MYO5B: variants seen among roughly 807,000 people sequenced by gnomAD.
MYO5B encodes the protein myosin VB, also known as unconventional myosin-Vb.
MYO5B carries 143 observed loss-of-function variants against 229.3 expected under a neutral mutation model. The ratio of observed to expected loss-of-function variants is 0.62; its 90% CI spans 0.54 to 0.72. The LOEUF is 0.72. Ranked by LOEUF, MYO5B falls within the 30% of genes least tolerant of loss-of-function variation. The pLI is 0.00. For synonymous variants in MYO5B, 918 were observed against 885.2 expected, an observed-to-expected ratio of 1.04 and a Z score of -0.66; for missense variants, 2,321 against 2,331.0, an observed-to-expected ratio of 1.00 and a Z score of 0.09.
At chr18:50,011,861 C>G (rs1367875716) in intron 4 of MYO5B, among the ~76,000 whole-genome samples, 1 of 151,812 alleles carries the variant, frequency 6.6e-6, no homozygotes, top group East Asian at 1.9e-4. Flanking sequence ...TGCACCAGAC[C>G]CTGTAGTACG....
intron 1 of MYO5B, among the ~76,000 whole-genome samples, chr18:50,121,909 C>A (rs907240737): frequency 2.0e-5 from 3 of 152,238 alleles, no homozygotes; most frequent in African/African-American, 7.2e-5. Flanking sequence ...TCTGTAAAGT[C>A]TTTGCTTTTG....
Position 49,983,680 on chromosome 18 carries a change from T to C in MYO5B, c.946+1038A>G, listed in dbSNP as rs375167902. Among the ~76,000 whole-genome samples the C allele has an allele frequency of 1.7e-3, 265 of 152,324 alleles. 1 individual carries two copies. The highest frequency in any genetic ancestry group is 6.1e-3 in the African/African-American group (253 of 41,574). ...CACCTGCTACTGCTGTAGTTAACAA[T>C]TGTTTATATTAATTTTTCTATTTTG... On this transcript the variant is annotated intron_variant, in intron 8 of 39. Transcript: ENST00000285039.
rs113660613 is a variant in MYO5B at position 49,849,558 on chromosome 18, C to G, written c.4315+9G>C. On this transcript the variant is annotated intron_variant, in intron 32 of 39. Transcript: ENST00000285039. Reference sequence around the variant, plus strand: ...GATTCACAAAACACACTCACTCACACCCCCCTACCTTCTAGGTCCTGGGCT... The same window carrying G: ...GATTCACAAAACACACTCACTCACAGCCCCCTACCTTCTAGGTCCTGGGCT... The G allele has an allele frequency of 1.3e-6, 2 of 1,595,692 alleles. No homozygotes were observed. The highest frequency in any genetic ancestry group is 2.7e-5 in the African/African-American group (2 of 74,608).
chr18:49,897,421 C>CA (rs1467586338), intron 21 of MYO5B, among the ~76,000 whole-genome samples: 12 of 151,008 alleles, frequency 7.9e-5, no homozygotes, highest in African/African-American at 2.7e-4. Flanking sequence ...TAGTTTTTAA[C>CA]AAAAAAAAGT....
intron 27 of MYO5B, 87 bp from the exon 28 acceptor site, chr18:49,864,467 T>G: frequency 6.4e-7 from 1 of 1,562,248 alleles, no homozygotes; most frequent in Non-Finnish European, 8.7e-7. Flanking sequence ...CCTTCTTTTG[T>G]CCACTGGGAA....
At chr18:50,155,866 C>T (rs369430848) in intron 1 of MYO5B, among the ~76,000 whole-genome samples, 9 of 152,314 alleles carry the variant, frequency 5.9e-5, no homozygotes, top group African/African-American at 2.2e-4. Flanking sequence ...AAGATGACTT[C>T]AACATAAGTT....
At chr18:50,047,532 C>T (rs571294835) in intron 2 of MYO5B, among the ~76,000 whole-genome samples, 44 of 152,238 alleles carry the variant, frequency 2.9e-4, no homozygotes, top group East Asian at 7.7e-4. Context: ...GTCAGTGTGG[C>T]GATTCCTCAG....
intron 1 of MYO5B, among the ~76,000 whole-genome samples, chr18:50,131,109 G>T (rs903920166): frequency 3.9e-5 from 6 of 152,212 alleles, no homozygotes; most frequent in Non-Finnish European, 2.9e-5. Context: ...AATCAAATGA[G>T]ATGACATCTA....
chr18:49,966,689 C>T (rs1662154691), intron 10 of MYO5B, among the ~76,000 whole-genome samples: 1 of 152,216 alleles, frequency 6.6e-6, no homozygotes, highest in Non-Finnish European at 1.5e-5. Flanking sequence ...TAAAGGTTTA[C>T]ACTGGTAGCA....
chr18:50,186,747 C>A (rs1568137760), intron 1 of MYO5B, among the ~76,000 whole-genome samples: 1 of 152,160 alleles, frequency 6.6e-6, no homozygotes, highest in Non-Finnish European at 1.5e-5. Flanking sequence ...CCTCCAGTAA[C>A]CTTCCCATGG....
intron 17 of MYO5B, among the ~76,000 whole-genome samples, chr18:49,913,998 C>T (rs2024985710): frequency 6.6e-6 from 1 of 152,096 alleles, no homozygotes; most frequent in Non-Finnish European, 1.5e-5. Flanking sequence ...ATCCATCCCG[C>T]TAAGAGCCAC....
chr18:50,154,253 T>C (rs1174689126), intron 1 of MYO5B, among the ~76,000 whole-genome samples: 1 of 152,220 alleles, frequency 6.6e-6, no homozygotes, highest in African/African-American at 2.4e-5. Flanking sequence ...TTCTATATTG[T>C]TTGATTTTTG....
chr18:50,047,065 C>T (rs1270065676), intron 2 of MYO5B, among the ~76,000 whole-genome samples: 1 of 152,124 alleles, frequency 6.6e-6, no homozygotes, highest in African/African-American at 2.4e-5. Flanking sequence ...AAAGCAATGG[C>T]AACAAAAGCC....
At chr18:50,179,751 G>C (rs958045509) in intron 1 of MYO5B, among the ~76,000 whole-genome samples, 5 of 152,136 alleles carry the variant, frequency 3.3e-5, no homozygotes, top group Non-Finnish European at 7.4e-5. Flanking sequence ...TACTGTGCTG[G>C]CCTATTAGGC....
At chr18:49,849,239 A>G (rs1280290219) in intron 32 of MYO5B, among the ~76,000 whole-genome samples, 1 of 152,182 alleles carries the variant, frequency 6.6e-6, no homozygotes, top group Non-Finnish European at 1.5e-5. Flanking sequence ...GCATTCTTTC[A>G]CATCAATCTT....
At chr18:50,047,064 G>A (rs546812821) in intron 2 of MYO5B, among the ~76,000 whole-genome samples, 2,479 of 152,202 alleles carry the variant, frequency 0.016, 55 homozygotes, top group African/African-American at 0.052. Context: ...AAAAGCAATG[G>A]CAACAAAAGC....
At chr18:49,888,739 G>C (rs924498874) in intron 22 of MYO5B, among the ~76,000 whole-genome samples, 2 of 152,162 alleles carry the variant, frequency 1.3e-5, no homozygotes, top group African/African-American at 4.8e-5. Flanking sequence ...TCCAGGATCT[G>C]CCTGAATGTT....
intron 1 of MYO5B, among the ~76,000 whole-genome samples, chr18:50,091,965 C>T (rs1162408833): frequency 6.6e-6 from 1 of 152,188 alleles, no homozygotes; most frequent in African/African-American, 2.4e-5. Flanking sequence ...TTAGTCAGGG[C>T]AGCCCCATTG....
intron 1 of MYO5B, among the ~76,000 whole-genome samples, chr18:50,086,715 G>A (rs540661857): frequency 6.6e-6 from 1 of 152,292 alleles, no homozygotes; most frequent in East Asian, 1.9e-4. Context: ...GCCAGCAGTC[G>A]GTTGGATCTT....
Sources: gnomAD v4.1 joint callset for allele counts (sites outside exome capture counted in the v4.1 genomes callset) on GRCh38, gnomAD v4.1.1 for gene constraint, MANE v1.5 for transcripts, NCBI Gene and HGNC (gene_info 2026-07-23, HGNC 2026-07-21) for gene names.